SIPA1L2: variants seen among roughly 807,000 people sequenced by gnomAD.
The protein encoded by SIPA1L2 is signal induced proliferation associated 1 like 2, also known as signal-induced proliferation-associated 1-like protein 2.
SIPA1L2 carries 56 observed loss-of-function variants against 163.9 expected under a neutral mutation model. The ratio of observed to expected loss-of-function variants is 0.34; its 90% CI spans 0.28 to 0.43. The LOEUF is 0.43. SIPA1L2 is among the 20% of genes least tolerant of loss of function. The pLI, the probability that SIPA1L2 is intolerant of heterozygous loss-of-function variation, is 1.00. For missense variants in SIPA1L2, 1,974 were observed against 2,193.5 expected, an observed-to-expected ratio of 0.90 and a Z score of 2.00; for synonymous variants, 877 against 865.7, an observed-to-expected ratio of 1.01 and a Z score of -0.23.
At position 232,446,091 on chromosome 1, in the gene SIPA1L2, C is replaced by T. The variant is rs1276471433; in HGVS notation, c.3096-305G>A. Among the ~76,000 whole-genome samples, 5 of 152,228 alleles carry T rather than the reference C, an allele frequency of 3.3e-5. No homozygotes were observed. In the South Asian group the frequency reaches 6.2e-4, roughly 19 times the overall value. ...CTATGCTGGTACCTGCTAATACAGC[C>T]GTATGGTTATTAAAATGTTCCAACT... On this transcript the variant is annotated intron_variant, in intron 10 of 22. Coordinates refer to ENST00000674635, the MANE Select transcript of SIPA1L2 (RefSeq NM_020808.5).
intron 3 of SIPA1L2, among the ~76,000 whole-genome samples, chr1:232,507,464 T>C (rs757047601): frequency 1.3e-5 from 2 of 152,208 alleles, no homozygotes; most frequent in Non-Finnish European, 2.9e-5. Flanking sequence ...TTCCATAAGA[T>C]ACCTTTTGCA....
intron 7 of SIPA1L2, among the ~76,000 whole-genome samples, chr1:232,478,085 C>G (rs572848543): frequency 2.0e-5 from 3 of 152,326 alleles, no homozygotes; most frequent in East Asian, 3.9e-4. Flanking sequence ...AATTAAGCCT[C>G]TTAAGATCCA....
At chr1:232,439,944 T>C (rs1048413950) in intron 14 of SIPA1L2, among the ~76,000 whole-genome samples, 2 of 152,212 alleles carry the variant, frequency 1.3e-5, no homozygotes. Flanking sequence ...TAGGACTTTC[T>C]GGTTAATCAC....
chr1:232,441,517 T>C, intron 13 of SIPA1L2, 123 bp from the exon 14 acceptor site: 1 of 876,552 alleles, frequency 1.1e-6, no homozygotes. Flanking sequence ...TGGGACTTTC[T>C]GGTCTTACCA....
Position 232,439,425 on chromosome 1 carries a change from G to A in SIPA1L2, c.3714C>T (p.Asp1238=), listed in dbSNP as rs201798982. 133 of 1,614,206 alleles carry A rather than the reference G, an allele frequency of 8.2e-5. 1 individual carries two copies. The highest frequency in any genetic ancestry group is 3.8e-4 in the South Asian group (35 of 91,080). ...TLSSNTSSNS[D]DKHFGSGDLM... Reference sequence around the variant, plus strand: ...GGTCGCCAGACCCAAAGTGCTTGTCGTCACTGTTGCTGGAGGTGTTGCTGG... The same window carrying A: ...GGTCGCCAGACCCAAAGTGCTTGTCATCACTGTTGCTGGAGGTGTTGCTGG... Residue 1238 remains aspartate, a synonymous_variant, in exon 15 of 23, where the codon GAC becomes GAT. Transcript: ENST00000674635.
intron 3 of SIPA1L2, among the ~76,000 whole-genome samples, chr1:232,512,250 G>C (rs1219115565): frequency 1.3e-5 from 2 of 152,174 alleles, no homozygotes; most frequent in Non-Finnish European, 2.9e-5. Context: ...GGACAAATAG[G>C]AACATTTTTA....
At chr1:232,441,727 G>C (rs1390833329) in intron 13 of SIPA1L2, 41 bp downstream of exon 13, 19 of 1,526,946 alleles carry the variant, frequency 1.2e-5, no homozygotes, top group African/African-American at 2.7e-5. Flanking sequence ...GAGGGGGAAA[G>C]GGGGAGCAAG....
intron 1 of SIPA1L2, among the ~76,000 whole-genome samples, chr1:232,583,286 C>A (rs554247257): frequency 3.9e-5 from 6 of 152,086 alleles, no homozygotes. Context: ...ATCACAAGCA[C>A]GACTATCCAG....
At chr1:232,416,566 A>G (rs6701214) in intron 18 of SIPA1L2, among the ~76,000 whole-genome samples, 93,798 of 152,128 alleles carry the variant, frequency 0.62, 29,563 homozygotes, top group East Asian at 0.8. Context: ...AAGTATTGGA[A>G]CAATCTCCAT....
At position 232,479,620 on chromosome 1, in the gene SIPA1L2, G is replaced by C. The variant is rs746330906; in HGVS notation, c.2085+7C>G. 1 of 1,610,334 alleles carries C rather than the reference G, an allele frequency of 6.2e-7. No individual in the cohort carries two copies. The highest frequency in any genetic ancestry group is 1.7e-5 in the Admixed American group (1 of 59,978). On this transcript the variant is annotated splice_region_variant and intron_variant, in intron 7 of 22. Transcript: ENST00000674635. ...GCGTAAAAAGCTCCAGGCTGGGGAGGACATACCTGTTGTCTGTTGTTGGGC... is the reference window on the plus strand; with the variant it reads ...GCGTAAAAAGCTCCAGGCTGGGGAGCACATACCTGTTGTCTGTTGTTGGGC...
At chr1:232,523,483 A>G (rs778565787) in intron 2 of SIPA1L2, among the ~76,000 whole-genome samples, 1 of 152,194 alleles carries the variant, frequency 6.6e-6, no homozygotes, top group Admixed American at 6.5e-5. Context: ...ATGTCTGAGG[A>G]AAACACAGCA....
At chr1:232,567,727 C>T (rs1396520054) in intron 2 of SIPA1L2, among the ~76,000 whole-genome samples, 2 of 152,164 alleles carry the variant, frequency 1.3e-5, no homozygotes, top group East Asian at 3.9e-4. Flanking sequence ...CCAGTGACAT[C>T]TTTTTGTATG....
chr1:232,607,521 T>C (rs1661990100), intron 1 of SIPA1L2, among the ~76,000 whole-genome samples: 2 of 152,114 alleles, frequency 1.3e-5, no homozygotes, highest in African/African-American at 4.8e-5. Context: ...CAAATCCCCA[T>C]AAAATTAACT....
intron 3 of SIPA1L2, among the ~76,000 whole-genome samples, chr1:232,508,555 T>G (rs1666836582): frequency 6.6e-6 from 1 of 152,224 alleles, no homozygotes. Context: ...CCAGACTCAC[T>G]GATGCTCACA....
intron 2 of SIPA1L2, among the ~76,000 whole-genome samples, 130 bp downstream of exon 2, chr1:232,574,044 A>G (rs1286023126): frequency 1.3e-5 from 2 of 152,108 alleles, no homozygotes; most frequent in African/African-American, 4.8e-5. Flanking sequence ...GAGTGACAAA[A>G]TAAAAACATA....
chr1:232,602,351 AG>A (rs2102856709), intron 1 of SIPA1L2, among the ~76,000 whole-genome samples: 1 of 152,142 alleles, frequency 6.6e-6, no homozygotes, highest in African/African-American at 2.4e-5. Context: ...TGTTTATTTA[AG>A]ATGGAGTCTC....
intron 2 of SIPA1L2, among the ~76,000 whole-genome samples, chr1:232,526,003 A>C (rs77976363): frequency 0.014 from 2,107 of 152,280 alleles, 48 homozygotes; most frequent in African/African-American, 0.047. Flanking sequence ...CCAAGAGAGG[A>C]AGGCAAATCA....
chr1:232,567,706 A>T (rs1446312318), intron 2 of SIPA1L2, among the ~76,000 whole-genome samples: 1 of 152,164 alleles, frequency 6.6e-6, no homozygotes, highest in Non-Finnish European at 1.5e-5. Context: ...CTCCTAAAAT[A>T]CTTAAAATTT....
At position 232,465,035 on chromosome 1, in the gene SIPA1L2, C is replaced by G. The variant is rs1023747953; in HGVS notation, c.2625G>C (p.Gly875=). Residue 875 remains glycine (G), a synonymous_variant, in exon 9 of 23, where the codon GGG becomes GGC. Transcript: ENST00000674635. This position sits in a 1 kb window ranked among gnomAD's most constrained non-coding sequence, Gnocchi z 4.1. Reference sequence around the variant, plus strand: ...TCAACATGATGAACTCATTGGAGATCCCGAGAAGACATTCAATGTCAGCAG... The same window carrying G: ...TCAACATGATGAACTCATTGGAGATGCCGAGAAGACATTCAATGTCAGCAG... ...GQSADIECLL[G]ISNEFIMLIE... is the part of the protein sequence containing the mutation. 3.0e-5 allele frequency: 49 copies of G among 1,614,042 alleles called. No homozygotes were observed. Among genetic ancestry groups the G allele is most frequent in the Non-Finnish European group, 4.1e-5 (48 of 1,180,024 alleles).
Sources: allele counts gnomAD v4.1 joint callset (sites outside exome capture counted in the v4.1 genomes callset), GRCh38; gene constraint gnomAD v4.1.1; non-coding constraint Gnocchi (gnomAD v3.1); transcripts MANE v1.5; gene names NCBI Gene and HGNC (gene_info 2026-07-23, HGNC 2026-07-21).